OR6C1: variants seen among roughly 807,000 people sequenced by gnomAD.
OR6C1 encodes the protein olfactory receptor 6C1.
For missense variants in OR6C1, 386 were observed against 366.1 expected, an observed-to-expected ratio of 1.05 and a Z score of -0.44; for synonymous variants, 157 against 133.3, an observed-to-expected ratio of 1.18 and a Z score of -1.22.
chr12:55,320,829 C>T lies in OR6C1; in HGVS notation c.230C>T (p.Pro77Leu). ...ATTTCGTTCACAACCGTCAGTATACCCAAGTTTCTGGGTAACATTATTTCA... is the reference window on the plus strand; with the variant it reads ...ATTTCGTTCACAACCGTCAGTATACTCAAGTTTCTGGGTAACATTATTTCA... ...LEISFTTVSI[P>L]KFLGNIISGD... is the part of the protein sequence containing the mutation. The change falls in exon 2 of 2, where the codon CCC becomes CTC. Residue 77 changes from proline (P) to leucine (L), a missense_variant. Pro to Leu is a moderately conservative substitution (Grantham distance 98). Transcript: ENST00000642104. 6.2e-7 allele frequency: 1 copy of T among 1,613,490 alleles called. No homozygotes were observed. The highest frequency in any genetic ancestry group is 8.5e-7 in the Non-Finnish European group (1 of 1,179,590).
At position 55,320,830 on chromosome 12, in the gene OR6C1, C is replaced by T; in HGVS notation, c.231C>T (p.Pro77=). The T allele has an allele frequency of 6.2e-7, 1 of 1,613,364 alleles. No homozygotes were observed. Among genetic ancestry groups the T allele is most frequent in the Non-Finnish European group, 8.5e-7 (1 of 1,179,462 alleles). ...LEISFTTVSI[P]KFLGNIISGD... Reference sequence around the variant, plus strand: ...TTTCGTTCACAACCGTCAGTATACCCAAGTTTCTGGGTAACATTATTTCAG... The same window carrying T: ...TTTCGTTCACAACCGTCAGTATACCTAAGTTTCTGGGTAACATTATTTCAG... The change falls in exon 2 of 2, where the codon CCC becomes CCT. Residue 77 remains proline, a synonymous_variant. Coordinates refer to ENST00000642104, the MANE Select transcript of OR6C1 (RefSeq NM_001005182.2).
In OR6C1 at chr12:55,321,447, T is replaced by C. The variant is rs1408561340; in HGVS notation, c.848T>C (p.Met283Thr). 10 of 1,613,840 alleles carry C rather than the reference T, an allele frequency of 6.2e-6. No individual in the cohort carries two copies. The highest frequency in any genetic ancestry group is 1.6e-4 in the Middle Eastern group (1 of 6,082). Residue 283 changes from methionine to threonine, a missense_variant, in exon 2 of 2, where the codon ATG becomes ACG. By Grantham distance (81) the Met-to-Thr change is moderately conservative. Transcript: ENST00000642104. ...CTAAACACCTCAGTAGCCCCCATGA[T>C]GAACCCCTTTATTTACAGCCTAAGA... ...AILNTSVAPMMNPFIYSLRNQ... is the reference protein window; with the variant it reads ...AILNTSVAPMTNPFIYSLRNQ...
chr12:55,317,277 G>T (rs1868425302), intron 1 of OR6C1, among the ~76,000 whole-genome samples: 1 of 151,930 alleles, frequency 6.6e-6, no homozygotes, highest in Admixed American at 6.6e-5. Flanking sequence ...ATGAAATAAG[G>T]ATGATGTTGC....
chr12:55,319,870 G>A (rs1188065605), intron 1 of OR6C1, among the ~76,000 whole-genome samples: 3 of 152,310 alleles, frequency 2.0e-5, no homozygotes, highest in East Asian at 3.9e-4. Flanking sequence ...GCCAGTTGCA[G>A]TGGCTCATGC....
At chr12:55,317,121 A>T (rs940503234) in intron 1 of OR6C1, among the ~76,000 whole-genome samples, 1 of 152,066 alleles carries the variant, frequency 6.6e-6, no homozygotes, top group Non-Finnish European at 1.5e-5. Context: ...TATATTTTTT[A>T]AAAACTTGAG....
rs1170372388 is a variant in OR6C1 at position 55,320,735 on chromosome 12, A to G, written c.136A>G (p.Ile46Val). The change falls in exon 2 of 2, where the codon ATT (isoleucine) becomes GTT (valine). Residue 46 changes from isoleucine to valine, a missense_variant. Coordinates refer to ENST00000642104, the MANE Select transcript of OR6C1 (RefSeq NM_001005182.2). ...CACTGGGAACCTGACCCTTATCACA[A>G]TTACCCTGCTGGATTCCCACCTGCA... ...SITGNLTLIT[I>V]TLLDSHLQTP... The G allele has an allele frequency of 2.5e-6, 4 of 1,613,814 alleles. No homozygotes were observed. The highest frequency in any genetic ancestry group is 1.6e-4 in the Middle Eastern group (1 of 6,084).
Position 55,320,633 on chromosome 12 carries a change from C to A in OR6C1, c.34C>A (p.Leu12Ile), listed in dbSNP as rs377179933. 1 of 1,610,326 alleles carries A rather than the reference C, an allele frequency of 6.2e-7. No homozygotes were observed. The highest frequency in any genetic ancestry group is 8.5e-7 in the Non-Finnish European group (1 of 1,177,234). Residue 12 changes from leucine (L) to isoleucine (I), a missense_variant, in exon 2 of 2, where the codon CTT (leucine) becomes ATT (isoleucine). Physicochemically the swap from Leu to Ile is conservative, Grantham distance 5. Coordinates refer to ENST00000642104, the MANE Select transcript of OR6C1 (RefSeq NM_001005182.2). ...RNHTEITEFI[L>I]LGLTDDPNFQ... ...CCATACAGAAATAACAGAGTTTATT[C>A]TTCTGGGATTAACAGATGACCCAAA...
chr12:55,314,573 G>A lies in OR6C1; in HGVS notation c.-60G>A, dbSNP rs1354989323. 1 of 151,550 alleles carries A rather than the reference G, an allele frequency of 6.6e-6. No homozygotes were observed. The highest frequency in any genetic ancestry group is 1.5e-5 in the Non-Finnish European group (1 of 67,682). 9.4% of individuals were successfully genotyped at this position (151,550 alleles called of 1,614,324 possible). The stretch of plus-strand genomic sequence containing the variant: ...CTCTACTATTCCAGCCATTCTGAAT[G>A]TTAGTGAAACTATATGAAAATCAGA... On this transcript the variant is annotated 5_prime_UTR_variant, in exon 1 of 2. It removes an upstream start codon present in the reference 5' UTR. Transcript: ENST00000642104.
In OR6C1 at chr12:55,320,759, C is replaced by T; in HGVS notation, c.160C>T (p.Gln54Ter). ...ITITLLDSHL[Q>*]TPMYFFLRNF... Reference sequence around the variant, plus strand: ...AATTACCCTGCTGGATTCCCACCTGCAGACCCCCATGTATTTCTTCCTCAG... The same window carrying T: ...AATTACCCTGCTGGATTCCCACCTGTAGACCCCCATGTATTTCTTCCTCAG... Residue 54 changes from glutamine (Q) to a stop codon, truncating the protein, a stop_gained, in exon 2 of 2, where the codon CAG (glutamine) becomes TAG (stop). Transcript: ENST00000642104. LOFTEE classifies it low-confidence loss of function (END_TRUNC). The T allele has an allele frequency of 6.2e-7, 1 of 1,614,106 alleles. No individual in the cohort carries two copies. The highest frequency in any genetic ancestry group is 1.1e-5 in the South Asian group (1 of 91,072).
At chr12:55,318,048 T>G (rs1401870744) in intron 1 of OR6C1, among the ~76,000 whole-genome samples, 1 of 150,758 alleles carries the variant, frequency 6.6e-6, no homozygotes, top group African/African-American at 2.4e-5. Context: ...TAAATACATA[T>G]GCACACTCAC....
intron 1 of OR6C1, among the ~76,000 whole-genome samples, chr12:55,320,142 A>G (rs1219835235): frequency 1.3e-5 from 2 of 152,062 alleles, no homozygotes; most frequent in East Asian, 1.9e-4. Context: ...CTCCACCTCA[A>G]AAAAAAACAA....
chr12:55,317,206 T>C (rs1868424480), intron 1 of OR6C1, among the ~76,000 whole-genome samples: 1 of 152,036 alleles, frequency 6.6e-6, no homozygotes, highest in Admixed American at 6.6e-5. Flanking sequence ...TTGGTATGAA[T>C]GTATTTTGTG....
chr12:55,317,045 T>C (rs1395498030), intron 1 of OR6C1, among the ~76,000 whole-genome samples: 1 of 151,962 alleles, frequency 6.6e-6, no homozygotes, highest in Non-Finnish European at 1.5e-5. Context: ...ACAAAAAAAG[T>C]TGAAATAAGG....
chr12:55,320,826 T>C lies in OR6C1; in HGVS notation c.227T>C (p.Ile76Thr). The C allele has an allele frequency of 1.9e-6, 3 of 1,613,662 alleles. No individual in the cohort carries two copies. Among genetic ancestry groups the C allele is most frequent in the Non-Finnish European group, 2.5e-6 (3 of 1,179,646 alleles). The change falls in exon 2 of 2, where the codon ATA becomes ACA. Residue 76 changes from isoleucine (I) to threonine (T), a missense_variant. By Grantham distance (89) the Ile-to-Thr change is moderately conservative. Coordinates refer to ENST00000642104, the MANE Select transcript of OR6C1 (RefSeq NM_001005182.2). ...GAAATTTCGTTCACAACCGTCAGTA[T>C]ACCCAAGTTTCTGGGTAACATTATT... The part of the protein sequence containing the change: ...ILEISFTTVS[I>T]PKFLGNIISG...
chr12:55,319,814 A>G (rs956889774), intron 1 of OR6C1, among the ~76,000 whole-genome samples: 2 of 152,134 alleles, frequency 1.3e-5, no homozygotes, highest in Non-Finnish European at 2.9e-5. Context: ...CATACAATCA[A>G]CTTTCACAAT....
At chr12:55,315,784 C>T (rs1297311880) in intron 1 of OR6C1, among the ~76,000 whole-genome samples, 6 of 151,210 alleles carry the variant, frequency 4.0e-5, no homozygotes, top group Admixed American at 3.3e-4. Flanking sequence ...CTAGAATAAC[C>T]GAGCAGTACC....
At chr12:55,319,191 T>G (rs1868473114) in intron 1 of OR6C1, among the ~76,000 whole-genome samples, 1 of 152,208 alleles carries the variant, frequency 6.6e-6, no homozygotes, top group Non-Finnish European at 1.5e-5. Flanking sequence ...ACTTCAGTTT[T>G]GGGCTCTTCC....
At chr12:55,316,285 G>A (rs1868409903) in intron 1 of OR6C1, among the ~76,000 whole-genome samples, 1 of 151,530 alleles carries the variant, frequency 6.6e-6, no homozygotes, top group South Asian at 2.1e-4. Flanking sequence ...TTTATTTAAG[G>A]GGTCATCGTT....
chr12:55,321,117 A>G lies in OR6C1; in HGVS notation c.518A>G (p.Asp173Gly). Residue 173 changes from aspartate (D) to glycine (G), a missense_variant, in exon 2 of 2, where the codon GAC (aspartate) becomes GGC (glycine). Asp to Gly is a moderately conservative substitution (Grantham distance 94). Coordinates refer to ENST00000642104, the MANE Select transcript of OR6C1 (RefSeq NM_001005182.2). The stretch of plus-strand genomic sequence containing the variant: ...CATTACTGTAGGTCTAATATTATTG[A>G]CCATTTTACCTGTGATTATTTTCCA... ...KLHYCRSNIIDHFTCDYFPLL... is the reference protein window; with the variant it reads ...KLHYCRSNIIGHFTCDYFPLL... The G allele has an allele frequency of 6.2e-7, 1 of 1,613,808 alleles. No homozygotes were observed. Among genetic ancestry groups the G allele is most frequent in the Non-Finnish European group, 8.5e-7 (1 of 1,179,820 alleles).
Sources: allele counts gnomAD v4.1 joint callset (sites outside exome capture counted in the v4.1 genomes callset), GRCh38; gene constraint gnomAD v4.1.1; transcripts MANE v1.5; gene names NCBI Gene and HGNC (gene_info 2026-07-23, HGNC 2026-07-21).